The following DNAH11 variants were observed in gnomAD, a reference collection of about 807,000 sequenced individuals.
DNAH11 encodes dynein axonemal heavy chain 11.
DNAH11 carries 442 observed loss-of-function variants against 526.0 expected under a neutral mutation model. That is an observed-to-expected ratio of 0.84 (90% CI 0.78 to 0.91). The LOEUF is 0.91. Among genes scored for constraint, DNAH11 ranks in the 40% least tolerant of loss-of-function variants. The pLI, the probability that DNAH11 is intolerant of heterozygous loss-of-function variation, is 0.00. For missense variants in DNAH11, 6,989 were observed against 5,448.7 expected (o/e 1.28, Z -8.90); for synonymous variants, 2,461 against 1,935.9 (o/e 1.27, Z -7.12).
In DNAH11 at chr7:21,713,038, A is replaced by G. The variant is rs117473651; in HGVS notation, c.6983+1178A>G. On this transcript the variant is annotated intron_variant, in intron 42 of 81. Transcript: ENST00000409508. ...TTGCATGTATGTATACTATCCATAC[A>G]TGAACAGTTGTAATGCTTTGATTTA... is the stretch of plus-strand genomic sequence containing the variant. Among the ~76,000 whole-genome samples the G allele has an allele frequency of 9.7e-3, 1,473 of 152,348 alleles. 12 individuals are homozygous for G. Among genetic ancestry groups the G allele is most frequent in the African/African-American group, 0.018 (761 of 41,576 alleles).
chr7:21,728,267 TTTTTTTTTG>T (rs1354745776), intron 45 of DNAH11, among the ~76,000 whole-genome samples: 6 of 56,672 alleles, frequency 1.1e-4, no homozygotes, highest in South Asian at 7.0e-4. Flanking sequence ...TTTTTTTTTT[TTTTTTTTTG>T]AGACAGAGTC....
chr7:21,829,187 G>C (rs1357521003), intron 65 of DNAH11, among the ~76,000 whole-genome samples: 1 of 152,096 alleles, frequency 6.6e-6, no homozygotes, highest in Non-Finnish European at 1.5e-5. Flanking sequence ...AAGGCTTTTA[G>C]ATGTCCATTG....
At chr7:21,871,205 A>G (rs997393891) in intron 73 of DNAH11, among the ~76,000 whole-genome samples, 1 of 152,226 alleles carries the variant, frequency 6.6e-6, no homozygotes, top group African/African-American at 2.4e-5. Flanking sequence ...GCCGGCAACT[A>G]TCTTTATCTC....
chr7:21,776,524 T>C (rs143803273), intron 56 of DNAH11, among the ~76,000 whole-genome samples: 5 of 152,306 alleles, frequency 3.3e-5, no homozygotes, highest in African/African-American at 1.2e-4. Context: ...TTAGCAATGT[T>C]CCTTCTTTAC....
chr7:21,880,106 GAAA>G (rs1394685106), intron 74 of DNAH11, among the ~76,000 whole-genome samples: 69 of 148,580 alleles, frequency 4.6e-4, no homozygotes, highest in Non-Finnish European at 6.3e-4. Context: ...AAAAAAGAAA[GAAA>G]GAAAAAAAGG....
At chr7:21,888,364 A>C (rs1784206446) in intron 76 of DNAH11, among the ~76,000 whole-genome samples, 1 of 152,160 alleles carries the variant, frequency 6.6e-6, no homozygotes. Context: ...GTTTTTGTTA[A>C]ATACCAGAAA....
At chr7:21,897,603 A>C (rs1784567869) in intron 79 of DNAH11, among the ~76,000 whole-genome samples, 1 of 139,014 alleles carries the variant, frequency 7.2e-6, no homozygotes, top group Non-Finnish European at 1.6e-5. Flanking sequence ...AATTTAGGAA[A>C]ACTCAAATTT....
intron 32 of DNAH11, among the ~76,000 whole-genome samples, chr7:21,686,009 C>G (rs1432649627): frequency 1.3e-5 from 2 of 152,182 alleles, no homozygotes; most frequent in African/African-American, 2.4e-5. Context: ...GAGAAAATTA[C>G]AAGGCGAAAA....
At chr7:21,733,723 G>A (rs762732489) in intron 45 of DNAH11, among the ~76,000 whole-genome samples, 1 of 152,136 alleles carries the variant, frequency 6.6e-6, no homozygotes, top group Non-Finnish European at 1.5e-5. Context: ...ACCATAGAAA[G>A]TCAATAATAA....
intron 44 of DNAH11, among the ~76,000 whole-genome samples, chr7:21,724,795 C>T (rs1020022329): frequency 4.0e-5 from 6 of 151,768 alleles, no homozygotes; most frequent in Non-Finnish European, 7.4e-5. Context: ...CCAGGTCATC[C>T]TGTGGATGCA....
At chr7:21,606,584 T>C in intron 19 of DNAH11, 42 bp downstream of exon 19, 1 of 1,565,944 alleles carries the variant, frequency 6.4e-7, no homozygotes, top group Non-Finnish European at 8.7e-7. Flanking sequence ...AAGGTTTTAC[T>C]AGGATAATTG....
At position 21,698,171 on chromosome 7, in the gene DNAH11, C is replaced by G. The variant is rs1783927962; in HGVS notation, c.6138C>G (p.Phe2046Leu). Residue 2046 changes from phenylalanine to leucine, a missense_variant, in exon 36 of 82, where the codon TTC becomes TTG. Phe to Leu is a conservative substitution (Grantham distance 22, BLOSUM62 0). Transcript: ENST00000409508. ...FVDARALARK[F>L]ITLYTLCKEL... The stretch of plus-strand genomic sequence containing the variant: ...ATGCGCGTGCATTAGCCCGAAAGTT[C>G]ATTACGTTGTACACGCTTTGCAAGG... 6.2e-7 allele frequency: 1 copy of G among 1,613,530 alleles called. No homozygotes were observed. Among genetic ancestry groups the G allele is most frequent in the Admixed American group, 1.7e-5 (1 of 59,942 alleles).
rs937789282 is a variant in DNAH11, at chr7:21,742,181, C to T, written c.8154+15C>T. On this transcript the variant is annotated intron_variant, in intron 49 of 81. Coordinates refer to ENST00000409508, the MANE Select transcript of DNAH11 (RefSeq NM_001277115.2). Reference sequence around the variant, plus strand: ...ACGTCTTCCAGGTACCTTGACTGCTCTATGTTATGCCTCTTGAGTAGAGAA... The same window carrying T: ...ACGTCTTCCAGGTACCTTGACTGCTTTATGTTATGCCTCTTGAGTAGAGAA... The T allele has an allele frequency of 1.1e-5, 17 of 1,612,378 alleles. No homozygotes were observed. The highest frequency in any genetic ancestry group is 1.4e-5 in the Non-Finnish European group (17 of 1,179,194).
chr7:21,887,795 T>C (rs570529001), intron 76 of DNAH11, among the ~76,000 whole-genome samples: 8 of 152,358 alleles, frequency 5.3e-5, no homozygotes, highest in African/African-American at 1.2e-4. Flanking sequence ...TTTATATGTA[T>C]GATTTCTTCT....
intron 61 of DNAH11, among the ~76,000 whole-genome samples, chr7:21,791,092 A>G (rs1398635793): frequency 6.6e-6 from 1 of 152,180 alleles, no homozygotes; most frequent in Non-Finnish European, 1.5e-5. Flanking sequence ...CTGATGAGAT[A>G]CAGAGAGACG....
At chr7:21,641,959 A>G (rs1429279645) in intron 28 of DNAH11, among the ~76,000 whole-genome samples, 2 of 152,202 alleles carry the variant, frequency 1.3e-5, no homozygotes, top group African/African-American at 4.8e-5. Flanking sequence ...AGAGCTCTCC[A>G]AACTCCCTCA....
Position 21,589,389 on chromosome 7 carries a change from A to G in DNAH11, c.2155A>G (p.Asn719Asp), listed in dbSNP as rs2128443049. The G allele has an allele frequency of 2.5e-6, 4 of 1,600,804 alleles. No homozygotes were observed. In the East Asian group the frequency reaches 9.1e-5, roughly 36 times the overall value. Reference protein sequence around the residue: ...FSAINGLLCVNFDPKLVAVLR... With the variant: ...FSAINGLLCVDFDPKLVAVLR... ...TGCCATAAATGGTCTTCTCTGTGTC[A>G]ATTTTGACCCAAAGGTAGGGATTTG... Residue 719 changes from asparagine to aspartate, a missense_variant, in exon 12 of 82, where the codon AAT becomes GAT. Coordinates refer to ENST00000409508, the MANE Select transcript of DNAH11 (RefSeq NM_001277115.2).
chr7:21,701,537 G>A (rs150685055), intron 36 of DNAH11, among the ~76,000 whole-genome samples: 9 of 152,172 alleles, frequency 5.9e-5, no homozygotes, highest in Middle Eastern at 3.4e-3. Context: ...CAATCTGCCC[G>A]CCTCAGCCTT....
In DNAH11 at chr7:21,852,502, T is replaced by C. The variant is rs763919077; in HGVS notation, c.10932T>C (p.Ile3644=). ...CAAAGCACCAAAATGATTTTAAAAT[T>C]GAGCTCAAGTATCTGGAAGACGATC... is the stretch of plus-strand genomic sequence containing the variant. ...VLTKHQNDFK[I]ELKYLEDDLL... Residue 3644 remains isoleucine, a synonymous_variant, in exon 67 of 82, where the codon ATT becomes ATC. Transcript: ENST00000409508. 9 of 1,613,588 alleles carry C rather than the reference T, an allele frequency of 5.6e-6. No homozygotes were observed. The Admixed American group carries it at 1.2e-4, about 21-fold the overall frequency.
Sources: gnomAD v4.1 joint callset for allele counts (sites outside exome capture counted in the v4.1 genomes callset) on GRCh38, gnomAD v4.1.1 for gene constraint, MANE v1.5 for transcripts, NCBI Gene and HGNC (gene_info 2026-07-23, HGNC 2026-07-21) for gene names.